The following KIF6 variants were observed in gnomAD, a reference collection of about 807,000 sequenced individuals.
KIF6 encodes the protein kinesin-like protein KIF6.
Under a neutral mutation model 112.7 loss-of-function variants are expected in KIF6, and 106 were observed. That is an observed-to-expected ratio of 0.94 (90% CI 0.80 to 1.11). The LOEUF (loss-of-function observed/expected upper bound fraction) is 1.11, where lower values mean the gene tolerates loss of function less well. KIF6 is among the 50% of genes least tolerant of loss of function. The pLI, the probability that KIF6 is intolerant of heterozygous loss-of-function variation, is 0.00. For missense variants in KIF6, 929 were observed against 964.0 expected (o/e 0.96, Z 0.48); for synonymous variants, 339 against 339.9 (o/e 1.00, Z 0.03).
rs767041565 is a variant in KIF6, at chr6:39,571,302, T to C, written c.1181+6754A>G. Among the ~76,000 whole-genome samples, 3 of 152,262 alleles carry C rather than the reference T, an allele frequency of 2.0e-5. No individual in the cohort carries two copies. In the South Asian group the frequency reaches 6.2e-4, roughly 32 times the overall value. ...TTCAAGTCTCTTCCCTCATCCTCAC[T>C]CCCAAACTGATTATAATGTTTTTCT... On this transcript the variant is annotated intron_variant, in intron 10 of 22. Coordinates refer to ENST00000287152, the MANE Select transcript of KIF6 (RefSeq NM_145027.6).
chr6:39,370,011 G>A (rs1400052434), intron 16 of KIF6, among the ~76,000 whole-genome samples: 1 of 152,118 alleles, frequency 6.6e-6, no homozygotes, highest in East Asian at 1.9e-4. Flanking sequence ...CCCCTCCAGG[G>A]GCAGCCTTCC....
intron 13 of KIF6, among the ~76,000 whole-genome samples, chr6:39,438,130 G>A (rs1185864228): frequency 2.6e-5 from 4 of 151,952 alleles, no homozygotes; most frequent in Non-Finnish European, 4.4e-5. Flanking sequence ...CCGCCACCAC[G>A]CTCGGCTAAC....
At chr6:39,694,817 A>G (rs1428437983) in intron 3 of KIF6, among the ~76,000 whole-genome samples, 1 of 152,192 alleles carries the variant, frequency 6.6e-6, no homozygotes, top group Admixed American at 6.5e-5. Flanking sequence ...GAAAAAAACT[A>G]TCCTAAAATT....
chr6:39,454,340 T>C (rs1772896526), intron 13 of KIF6, among the ~76,000 whole-genome samples: 4 of 151,714 alleles, frequency 2.6e-5, no homozygotes, highest in Admixed American at 6.6e-5. Context: ...ATCCAACACA[T>C]GTGTAATAGG....
intron 3 of KIF6, among the ~76,000 whole-genome samples, chr6:39,682,145 T>C (rs1382324960): frequency 6.6e-6 from 1 of 152,106 alleles, no homozygotes; most frequent in Non-Finnish European, 1.5e-5. Context: ...AGACAGATAA[T>C]AAATAAACAA....
chr6:39,352,476 T>A (rs562361227), intron 19 of KIF6, among the ~76,000 whole-genome samples: 2 of 152,330 alleles, frequency 1.3e-5, no homozygotes, highest in South Asian at 4.1e-4. Context: ...ACTATTTCAC[T>A]GTGTCCATAA....
At chr6:39,626,804 A>G (rs1332078301) in intron 5 of KIF6, among the ~76,000 whole-genome samples, 1 of 152,166 alleles carries the variant, frequency 6.6e-6, no homozygotes, top group African/African-American at 2.4e-5. Context: ...GGTGGAAGCC[A>G]GGAATTAGCA....
At chr6:39,615,148 G>GGGAGAC (rs1783436342) in intron 5 of KIF6, among the ~76,000 whole-genome samples, 1 of 151,608 alleles carries the variant, frequency 6.6e-6, no homozygotes, top group South Asian at 2.1e-4. Flanking sequence ...CCTCCAGTCT[G>GGGAGAC]GGAGACGGAG....
chr6:39,337,220 T>TTTCTTTCTTTC (rs1763062391), intron 22 of KIF6, among the ~76,000 whole-genome samples: 1 of 111,982 alleles, frequency 8.9e-6, no homozygotes, highest in African/African-American at 5.8e-5. Flanking sequence ...TCTTTCTTTC[T>TTTCTTTCTTTC]TTCTTTCTTT....
chr6:39,549,565 T>C (rs995914590), intron 10 of KIF6, among the ~76,000 whole-genome samples: 5 of 152,190 alleles, frequency 3.3e-5, no homozygotes, highest in African/African-American at 7.2e-5. Flanking sequence ...CTCAAAGTAT[T>C]TGAATACCAT....
chr6:39,406,886 C>T (rs1215840005), intron 15 of KIF6, among the ~76,000 whole-genome samples: 6 of 152,234 alleles, frequency 3.9e-5, no homozygotes, highest in Non-Finnish European at 8.8e-5. Flanking sequence ...GTAGCTGGGA[C>T]TATAGGCATG....
chr6:39,696,941 A>C (rs1788578399), intron 3 of KIF6, among the ~76,000 whole-genome samples: 1 of 152,122 alleles, frequency 6.6e-6, no homozygotes, highest in Admixed American at 6.5e-5. Context: ...AGAATTAGAA[A>C]AAAAAAATTG....
intron 7 of KIF6, among the ~76,000 whole-genome samples, chr6:39,586,904 A>G (rs1296599580): frequency 6.6e-6 from 1 of 152,172 alleles, no homozygotes; most frequent in Non-Finnish European, 1.5e-5. Context: ...CAGTCTCCTC[A>G]TCTGTAAAAT....
chr6:39,636,394 T>G (rs1784625076), intron 4 of KIF6, among the ~76,000 whole-genome samples: 1 of 151,978 alleles, frequency 6.6e-6, no homozygotes, highest in African/African-American at 2.4e-5. Context: ...ACCAAGCAAT[T>G]TTTTTTCAGC....
intron 2 of KIF6, among the ~76,000 whole-genome samples, chr6:39,717,966 C>T (rs183374122): frequency 6.6e-6 from 1 of 152,112 alleles, no homozygotes; most frequent in East Asian, 1.9e-4. Context: ...GTGGTTCACA[C>T]CTGTAATCCT....
Position 39,719,891 on chromosome 6 carries a change from G to A in KIF6, c.176+811C>T, listed in dbSNP as rs140964503. Among the ~76,000 whole-genome samples the A allele has an allele frequency of 6.4e-3, 967 of 152,236 alleles. 6 individuals carry two copies. Among genetic ancestry groups the A allele is most frequent in the Admixed American group, 0.012 (181 of 15,292 alleles). Reference sequence around the variant, plus strand: ...CCAGCTATTCAGGAGGCTAAGGTGGGAGGATCACTGGAGCCCAGCAGTTCA... The same window carrying A: ...CCAGCTATTCAGGAGGCTAAGGTGGAAGGATCACTGGAGCCCAGCAGTTCA... On this transcript the variant is annotated intron_variant, in intron 2 of 22. Transcript: ENST00000287152.
intron 13 of KIF6, among the ~76,000 whole-genome samples, chr6:39,513,235 GTT>G (rs1776878623): frequency 6.6e-6 from 1 of 152,144 alleles, no homozygotes; most frequent in Admixed American, 6.5e-5. Flanking sequence ...AGCTAGGTTA[GTT>G]TCTCCCAGCA....
rs150368183 is a variant in KIF6, at chr6:39,607,583, CTTAT to C, written c.639+5602_639+5605del. Among the ~76,000 whole-genome samples, 33 of 151,498 alleles carry C rather than the reference CTTAT, an allele frequency of 2.2e-4. No individual in the cohort carries two copies. The South Asian group carries it at 5.0e-3, about 23-fold the overall frequency. Reference sequence around the variant, plus strand: ...GGCCTAATAAGAAGAAAATGCTATTCTTATTTATTTATTTATTTATTTATTTGAG... The same window carrying C: ...GGCCTAATAAGAAGAAAATGCTATTCTTATTTATTTATTTATTTATTTGAG... On this transcript the variant is annotated intron_variant, in intron 6 of 22. Transcript: ENST00000287152.
chr6:39,406,830 C>T (rs1346925553), intron 15 of KIF6, among the ~76,000 whole-genome samples: 3 of 152,164 alleles, frequency 2.0e-5, no homozygotes, highest in Non-Finnish European at 2.9e-5. Context: ...CTCACTGTAG[C>T]CTCAAACTCC....
Sources: allele counts gnomAD v4.1 joint callset (sites outside exome capture counted in the v4.1 genomes callset), GRCh38; gene constraint gnomAD v4.1.1; transcripts MANE v1.5; gene names NCBI Gene and HGNC (gene_info 2026-07-23, HGNC 2026-07-21).